FSTL5: variants seen among roughly 807,000 people sequenced by gnomAD.
FSTL5 encodes follistatin like 5.
In FSTL5, 62 loss-of-function variants were observed where a neutral mutation model predicts 89.1. The observed-to-expected ratio is 0.70, with a 90% confidence interval of 0.57 to 0.86. The LOEUF (loss-of-function observed/expected upper bound fraction) is 0.86, where lower values mean the gene tolerates loss of function less well. Ranked by LOEUF, FSTL5 falls within the 40% of genes least tolerant of loss-of-function variation. FSTL5 has a pLI of 0.00. For synonymous variants in FSTL5, 383 were observed against 346.2 expected (o/e 1.11, Z -1.18); for missense variants, 1,057 against 1,001.6 (o/e 1.06, Z -0.75).
chr4:161,432,675 A>G (rs1326794585), intron 15 of FSTL5, among the ~76,000 whole-genome samples: 2 of 151,828 alleles, frequency 1.3e-5, no homozygotes, highest in African/African-American at 2.4e-5. Context: ...AAAGTAACAA[A>G]TCTTTAGCCA....
intron 7 of FSTL5, among the ~76,000 whole-genome samples, chr4:161,588,981 G>C (rs989518644): frequency 1.3e-5 from 2 of 150,510 alleles, no homozygotes; most frequent in East Asian, 2.0e-4. Context: ...TCTGTGTAAA[G>C]AGCCCTATCC....
At chr4:162,145,054 T>C (rs902108743) in intron 1 of FSTL5, among the ~76,000 whole-genome samples, 2 of 151,596 alleles carry the variant, frequency 1.3e-5, no homozygotes, top group African/African-American at 2.4e-5. Context: ...TCATATACAA[T>C]GAATACAATA....
At chr4:162,025,160 A>T (rs1185765933) in intron 3 of FSTL5, among the ~76,000 whole-genome samples, 1 of 152,168 alleles carries the variant, frequency 6.6e-6, no homozygotes. Flanking sequence ...ATGACAGGAC[A>T]ACTAGAGGAT....
At chr4:161,611,260 A>ATG (rs1187692388) in intron 7 of FSTL5, among the ~76,000 whole-genome samples, 7 of 117,052 alleles carry the variant, frequency 6.0e-5, no homozygotes, top group Non-Finnish European at 1.3e-4. Context: ...ATATATATAT[A>ATG]TATATATGTA....
intron 10 of FSTL5, among the ~76,000 whole-genome samples, chr4:161,519,038 T>C (rs1160024796): frequency 6.6e-6 from 1 of 152,186 alleles, no homozygotes; most frequent in Non-Finnish European, 1.5e-5. Flanking sequence ...ATTGTGTCAA[T>C]GGGTTTCTCC....
chr4:161,689,197 G>A (rs1560791223), intron 6 of FSTL5, among the ~76,000 whole-genome samples: 1 of 152,144 alleles, frequency 6.6e-6, no homozygotes, highest in Non-Finnish European at 1.5e-5. Flanking sequence ...GGGATAGAAG[G>A]ACAGATTATT....
At chr4:161,773,410 C>A (rs532152780) in intron 5 of FSTL5, among the ~76,000 whole-genome samples, 2 of 152,022 alleles carry the variant, frequency 1.3e-5, no homozygotes, top group Non-Finnish European at 2.9e-5. Context: ...AACAGACAAC[C>A]CACAGAGTGG....
At chr4:161,731,669 T>C (rs991168522) in intron 6 of FSTL5, among the ~76,000 whole-genome samples, 2 of 151,948 alleles carry the variant, frequency 1.3e-5, no homozygotes, top group African/African-American at 2.4e-5. Context: ...ACTATGAGAA[T>C]AGACTAATGA....
intron 6 of FSTL5, among the ~76,000 whole-genome samples, chr4:161,751,855 T>C (rs1740403235): frequency 6.6e-6 from 1 of 152,238 alleles, no homozygotes; most frequent in Non-Finnish European, 1.5e-5. Context: ...TAGCATGTAA[T>C]AGAGGAATTA....
chr4:161,447,122 A>G (rs1732970921), intron 15 of FSTL5, among the ~76,000 whole-genome samples: 1 of 152,022 alleles, frequency 6.6e-6, no homozygotes, highest in South Asian at 2.1e-4. Context: ...TACTTTGCAT[A>G]ATAAAACTCA....
At chr4:161,783,916 C>T (rs1741787541) in intron 4 of FSTL5, among the ~76,000 whole-genome samples, 1 of 149,334 alleles carries the variant, frequency 6.7e-6, no homozygotes, top group Admixed American at 6.8e-5. Context: ...CAGGTGTGTA[C>T]CACCATGCCT....
chr4:162,059,067 C>T (rs1284656404), intron 2 of FSTL5, among the ~76,000 whole-genome samples: 1 of 152,076 alleles, frequency 6.6e-6, no homozygotes, highest in Non-Finnish European at 1.5e-5. Flanking sequence ...AGAAATCCCA[C>T]AACATTTAAA....
At chr4:161,882,826 C>T (rs1208214331) in intron 4 of FSTL5, among the ~76,000 whole-genome samples, 1 of 152,014 alleles carries the variant, frequency 6.6e-6, no homozygotes, top group African/African-American at 2.4e-5. Flanking sequence ...ACCACAGACC[C>T]CTTACATAGT....
At chr4:161,789,456 T>C (rs1729382720) in intron 4 of FSTL5, among the ~76,000 whole-genome samples, 1 of 152,168 alleles carries the variant, frequency 6.6e-6, no homozygotes, top group Admixed American at 6.5e-5. Flanking sequence ...TTATTGTCTA[T>C]AGATGTGCGA....
intron 4 of FSTL5, among the ~76,000 whole-genome samples, chr4:161,889,101 G>A (rs1732905766): frequency 6.6e-6 from 1 of 152,104 alleles, no homozygotes; most frequent in African/African-American, 2.4e-5. Context: ...TTTTTAAAAT[G>A]TATCCTTTTT....
At chr4:161,658,816 G>C (rs1414780241) in intron 6 of FSTL5, among the ~76,000 whole-genome samples, 2 of 152,076 alleles carry the variant, frequency 1.3e-5, no homozygotes, top group Non-Finnish European at 2.9e-5. Context: ...CTGAATTTCA[G>C]CTTCTGGTTC....
chr4:162,044,776 CTTATA>C (rs1295781444), intron 2 of FSTL5, among the ~76,000 whole-genome samples: 5 of 152,192 alleles, frequency 3.3e-5, no homozygotes, highest in Admixed American at 1.3e-4. Context: ...GCCTTGCACT[CTTATA>C]TTATAGAGAC....
intron 15 of FSTL5, among the ~76,000 whole-genome samples, chr4:161,400,700 A>G (rs943726612): frequency 1.3e-5 from 2 of 152,150 alleles, no homozygotes; most frequent in Admixed American, 6.5e-5. Flanking sequence ...GTTATAACCT[A>G]TTGTATAATA....
intron 15 of FSTL5, among the ~76,000 whole-genome samples, chr4:161,448,071 C>T (rs917271562): frequency 2.0e-5 from 3 of 151,864 alleles, no homozygotes; most frequent in East Asian, 1.9e-4. Flanking sequence ...AGAACTTATG[C>T]GTATTTCAAT....
Sources: gnomAD v4.1 joint callset for allele counts (sites outside exome capture counted in the v4.1 genomes callset) on GRCh38, gnomAD v4.1.1 for gene constraint, MANE v1.5 for transcripts, NCBI Gene and HGNC (gene_info 2026-07-23, HGNC 2026-07-21) for gene names.